DCC: variants seen among roughly 807,000 people sequenced by gnomAD.
DCC encodes the protein netrin receptor DCC.
Under a neutral mutation model 172.5 loss-of-function variants are expected in DCC, and 58 were observed. The ratio of observed to expected loss-of-function variants is 0.34; its 90% CI spans 0.27 to 0.42. The LOEUF (loss-of-function observed/expected upper bound fraction) is 0.42. DCC is among the 10% of genes least tolerant of loss of function. The pLI is 1.00. For synonymous variants in DCC, 709 were observed against 644.5 expected, an observed-to-expected ratio of 1.10 and a Z score of -1.52; for missense variants, 1,740 against 1,791.0, an observed-to-expected ratio of 0.97 and a Z score of 0.51.
At chr18:53,247,860 A>C (rs1412676634) in intron 12 of DCC, among the ~76,000 whole-genome samples, 1 of 151,914 alleles carries the variant, frequency 6.6e-6, no homozygotes, top group Non-Finnish European at 1.5e-5. Flanking sequence ...GAGCCACAGA[A>C]TTCTTTTCCT....
chr18:53,467,819 G>T, intron 24 of DCC, 75 bp from the exon 25 acceptor site: 3 of 809,638 alleles, frequency 3.7e-6, no homozygotes, highest in Non-Finnish European at 4.5e-6. Flanking sequence ...AAAGGCATTG[G>T]AATGCCTGCT....
intron 5 of DCC, among the ~76,000 whole-genome samples, chr18:52,990,069 C>A (rs2041359482): frequency 6.6e-6 from 1 of 152,166 alleles, no homozygotes; most frequent in South Asian, 2.1e-4. Context: ...ACACTATATT[C>A]TCTCATTTTA....
At chr18:53,027,117 T>A (rs1353994576) in intron 5 of DCC, among the ~76,000 whole-genome samples, 1 of 152,178 alleles carries the variant, frequency 6.6e-6, no homozygotes, top group Non-Finnish European at 1.5e-5. Context: ...ATGTCTCTTA[T>A]TCCTCACCAT....
chr18:52,767,995 T>C (rs1449112708), intron 2 of DCC, among the ~76,000 whole-genome samples: 1 of 152,154 alleles, frequency 6.6e-6, no homozygotes, highest in Non-Finnish European at 1.5e-5. Flanking sequence ...ACAAATGAAA[T>C]AGCGCTACAA....
At chr18:52,570,127 T>C (rs1282959800) in intron 1 of DCC, among the ~76,000 whole-genome samples, 1 of 152,180 alleles carries the variant, frequency 6.6e-6, no homozygotes, top group Non-Finnish European at 1.5e-5. Context: ...ATTAAGCGCA[T>C]TTTATTTAAA....
At chr18:52,458,889 T>C (rs1988541624) in intron 1 of DCC, among the ~76,000 whole-genome samples, 1 of 152,168 alleles carries the variant, frequency 6.6e-6, no homozygotes, top group Admixed American at 6.5e-5. Flanking sequence ...AAACATTTAA[T>C]TGTCTTTTAT....
chr18:52,389,497 G>A (rs1056331533), intron 1 of DCC, among the ~76,000 whole-genome samples: 7 of 152,004 alleles, frequency 4.6e-5, no homozygotes, highest in African/African-American at 1.7e-4. Context: ...CAGAGCACAG[G>A]TCAATAAAGA....
intron 12 of DCC, among the ~76,000 whole-genome samples, chr18:53,235,123 C>T (rs913955677): frequency 6.6e-6 from 1 of 152,136 alleles, no homozygotes; most frequent in Non-Finnish European, 1.5e-5. Context: ...ACACAGGGTT[C>T]ATTGTGTAAG....
chr18:53,456,018 T>C (rs200820477), intron 23 of DCC, among the ~76,000 whole-genome samples: 39 of 152,322 alleles, frequency 2.6e-4, no homozygotes, highest in East Asian at 2.3e-3. Flanking sequence ...TGCTCCACTT[T>C]CACTGAAGGA....
At chr18:53,173,920 T>C (rs1367830865) in intron 8 of DCC, among the ~76,000 whole-genome samples, 1 of 110,090 alleles carries the variant, frequency 9.1e-6, no homozygotes, top group African/African-American at 3.7e-5. Flanking sequence ...ATTGACCACA[T>C]ACTTGGAAGT....
At chr18:52,702,180 C>T (rs565196834) in intron 1 of DCC, among the ~76,000 whole-genome samples, 1 of 152,126 alleles carries the variant, frequency 6.6e-6, no homozygotes, top group Non-Finnish European at 1.5e-5. Context: ...ATTCTTCAGC[C>T]TCTTTTCTTT....
chr18:52,927,960 A>C (rs8096819), intron 5 of DCC, among the ~76,000 whole-genome samples: 40,133 of 151,942 alleles, frequency 0.26, 5,503 homozygotes, highest in Admixed American at 0.33. Context: ...AAAGATACAT[A>C]CATGCGTATG....
intron 12 of DCC, among the ~76,000 whole-genome samples, chr18:53,297,215 A>C (rs1290857383): frequency 6.6e-6 from 1 of 152,202 alleles, no homozygotes; most frequent in Non-Finnish European, 1.5e-5. Context: ...GATCCCAGGA[A>C]AAGGCTAACA....
chr18:53,219,980 A>C (rs965959350), intron 12 of DCC, among the ~76,000 whole-genome samples: 4 of 133,444 alleles, frequency 3.0e-5, no homozygotes, highest in Non-Finnish European at 7.0e-5. Context: ...GATGTGGTGC[A>C]ACTTGTTGGA....
At position 52,611,175 on chromosome 18, in the gene DCC, A is replaced by T. The variant is rs574316304; in HGVS notation, c.92-140879A>T. Among the ~76,000 whole-genome samples the T allele has an allele frequency of 2.0e-5, 3 of 152,208 alleles. No individual in the cohort carries two copies. In the East Asian group the frequency reaches 5.8e-4, roughly 29 times the overall value. On this transcript the variant is annotated intron_variant, in intron 1 of 28. Transcript: ENST00000442544. Reference sequence around the variant, plus strand: ...CCACATCTTGTATCAGTCACTGTAAACTTCTGCTGATTTCAGCTCACAGGG... The same window carrying T: ...CCACATCTTGTATCAGTCACTGTAATCTTCTGCTGATTTCAGCTCACAGGG...
chr18:53,168,196 C>G (rs930690669), intron 8 of DCC, among the ~76,000 whole-genome samples: 1 of 152,110 alleles, frequency 6.6e-6, no homozygotes, highest in African/African-American at 2.4e-5. Flanking sequence ...CCATTTGACC[C>G]AGCAATCCCA....
At chr18:52,552,584 G>C (rs2032805805) in intron 1 of DCC, among the ~76,000 whole-genome samples, 1 of 152,012 alleles carries the variant, frequency 6.6e-6, no homozygotes, top group South Asian at 2.1e-4. Flanking sequence ...TTTGGGGACA[G>C]TAAAAGCATC....
chr18:53,465,009 AAAAAAG>A (rs1464009443), intron 24 of DCC, among the ~76,000 whole-genome samples: 1 of 151,474 alleles, frequency 6.6e-6, no homozygotes, highest in African/African-American at 2.4e-5. Context: ...AAAGAGAAGA[AAAAAAG>A]AAAAAGAAAA....
chr18:53,040,094 G>C (rs540388975), intron 5 of DCC, among the ~76,000 whole-genome samples: 2 of 151,832 alleles, frequency 1.3e-5, no homozygotes, highest in Non-Finnish European at 2.9e-5. Flanking sequence ...ATTAAATGCA[G>C]GGTGTGAAAA....
Sources: gnomAD v4.1 joint callset for allele counts (sites outside exome capture counted in the v4.1 genomes callset) on GRCh38, gnomAD v4.1.1 for gene constraint, MANE v1.5 for transcripts, NCBI Gene and HGNC (gene_info 2026-07-23, HGNC 2026-07-21) for gene names.